Variants in GALNT13 observed in about 807,000 individuals in gnomAD.
GALNT13 encodes the protein UDP-GalNAc:polypeptide N-acetylgalactosaminyltransferase 13.
A neutral mutation model predicts 64.2 loss-of-function variants in GALNT13; 28 were observed. The observed-to-expected ratio is 0.44, with a 90% CI of 0.32 to 0.60. The LOEUF is 0.60. Ranked by LOEUF, GALNT13 falls within the 20% of genes least tolerant of loss-of-function variation. The probability of loss-of-function intolerance (pLI) is 0.05; values close to 1 mark genes in which losing one functional copy is unlikely to be tolerated. For missense variants in GALNT13, 577 were observed against 669.8 expected, an observed-to-expected ratio of 0.86 and a Z score of 1.53; for synonymous variants, 214 against 224.6, an observed-to-expected ratio of 0.95 and a Z score of 0.42.
At chr2:153,533,272 A>G in the GALNT13 span, among the ~76,000 whole-genome samples, 7 of 151,608 alleles carry the variant, frequency 4.6e-5, no homozygotes, top group African/African-American at 1.5e-4. Flanking sequence ...TTCTTTTTCA[A>G]TGGAGTTTTG....
intron 11 of GALNT13, among the ~76,000 whole-genome samples, chr2:154,411,040 C>T (rs16837244): frequency 0.01 from 1,591 of 151,906 alleles, 27 homozygotes; most frequent in African/African-American, 0.036. Flanking sequence ...GAGCACCTAA[C>T]GAATACTAGG....
At chr2:154,225,130 A>AGATAGATAGATAGATAGATAGAT (rs1228401546) in intron 4 of GALNT13, among the ~76,000 whole-genome samples, 3 of 108,000 alleles carry the variant, frequency 2.8e-5, no homozygotes, top group African/African-American at 9.9e-5. Flanking sequence ...ATAGATAGAT[A>AGATAGATAGATAGATAGATAGAT]GATAGATAGA....
In GALNT13 at chr2:153,955,071, A is replaced by G. The variant is rs573322420; in HGVS notation, c.142+10432A>G. 3.3e-5 allele frequency among the ~76,000 whole-genome samples: 5 copies of G among 152,228 alleles called. No homozygotes were observed. The South Asian group carries it at 1.0e-3, about 32-fold the overall frequency. On this transcript the variant is annotated intron_variant, in intron 3 of 12. Coordinates refer to ENST00000392825, the MANE Select transcript of GALNT13 (RefSeq NM_052917.4). ...CACCTAGCCTTATTTTAGACTAGCA[A>G]TTTTGCATTTATTGAGTCTCTAGAG...
At chr2:153,753,924 C>T in the GALNT13 span, among the ~76,000 whole-genome samples, 252 of 152,358 alleles carry the variant, frequency 1.7e-3, no homozygotes, top group African/African-American at 5.8e-3. Flanking sequence ...AGGCAAACTA[C>T]AAGATAGAGC....
intron 4 of GALNT13, among the ~76,000 whole-genome samples, chr2:154,179,824 TAA>T (rs56303526): frequency 0.09 from 11,415 of 126,428 alleles, 471 homozygotes; most frequent in East Asian, 0.16. Flanking sequence ...TCTTCCATGA[TAA>T]AAAAAAAAAA....
the GALNT13 span, among the ~76,000 whole-genome samples, chr2:153,509,450 C>T: frequency 6.6e-5 from 10 of 152,356 alleles, no homozygotes; most frequent in Admixed American, 2.0e-4. Flanking sequence ...ATAGTGATTC[C>T]TTTGCTTATA....
chr2:154,371,845 C>T (rs1697710373), intron 9 of GALNT13, among the ~76,000 whole-genome samples: 1 of 149,758 alleles, frequency 6.7e-6, no homozygotes, highest in Non-Finnish European at 1.5e-5. Context: ...GGTAAGTCAA[C>T]ATACACATAA....
At chr2:153,832,077 A>G in the GALNT13 span, among the ~76,000 whole-genome samples, 2 of 152,162 alleles carry the variant, frequency 1.3e-5, no homozygotes, top group African/African-American at 2.4e-5. Context: ...GTTTCAGAGC[A>G]TAATCACTGG....
intron 9 of GALNT13, among the ~76,000 whole-genome samples, chr2:154,342,039 T>G (rs1695800361): frequency 6.6e-6 from 1 of 151,984 alleles, no homozygotes; most frequent in African/African-American, 2.4e-5. Context: ...GGGAGGAGAC[T>G]GGTTTAGGAA....
the GALNT13 span, among the ~76,000 whole-genome samples, chr2:153,141,914 T>A: frequency 6.6e-6 from 1 of 152,058 alleles, no homozygotes; most frequent in Non-Finnish European, 1.5e-5. Context: ...ACATGCTTAG[T>A]AACATGTCCT....
intron 2 of GALNT13, among the ~76,000 whole-genome samples, chr2:153,909,417 T>C (rs1016494535): frequency 6.6e-5 from 10 of 152,136 alleles, no homozygotes; most frequent in Non-Finnish European, 2.9e-5. Context: ...TCTGTATGTA[T>C]ATGCTTTATT....
the GALNT13 span, among the ~76,000 whole-genome samples, chr2:153,551,009 G>A: frequency 6.6e-5 from 10 of 152,016 alleles, no homozygotes; most frequent in African/African-American, 2.4e-4. Context: ...TCTTGGGTAG[G>A]ATATTACTAT....
chr2:154,006,097 T>A (rs1326297322), intron 3 of GALNT13, among the ~76,000 whole-genome samples: 1 of 152,228 alleles, frequency 6.6e-6, no homozygotes, highest in Admixed American at 6.5e-5. Context: ...GGTGCAAATC[T>A]GGTGGTAACT....
intron 4 of GALNT13, among the ~76,000 whole-genome samples, chr2:154,237,594 T>C (rs1439324786): frequency 1.3e-5 from 2 of 148,864 alleles, no homozygotes; most frequent in East Asian, 1.9e-4. Context: ...TAACATATAG[T>C]ATAAAGGTTT....
At chr2:153,228,041 C>G in the GALNT13 span, among the ~76,000 whole-genome samples, 4 of 152,130 alleles carry the variant, frequency 2.6e-5, no homozygotes, top group African/African-American at 9.7e-5. Context: ...ATAGTACTAA[C>G]AATGCTCTTA....
intron 3 of GALNT13, among the ~76,000 whole-genome samples, chr2:153,959,047 C>T (rs1347921982): frequency 6.6e-6 from 1 of 152,230 alleles, no homozygotes; most frequent in Non-Finnish European, 1.5e-5. Context: ...AAGGGACTTG[C>T]AGCTGGCTGT....
the GALNT13 span, among the ~76,000 whole-genome samples, chr2:153,353,678 A>C: frequency 4.6e-5 from 7 of 152,106 alleles, no homozygotes; most frequent in Non-Finnish European, 7.4e-5. Flanking sequence ...CGTTTTCATC[A>C]AATGTTTTTC....
At chr2:154,365,546 A>G (rs1286602472) in intron 9 of GALNT13, among the ~76,000 whole-genome samples, 2 of 152,224 alleles carry the variant, frequency 1.3e-5, no homozygotes, top group African/African-American at 4.8e-5. Context: ...AGTATTCCCA[A>G]TAAAATTAAG....
At chr2:153,973,077 C>T (rs556641958) in intron 3 of GALNT13, among the ~76,000 whole-genome samples, 1 of 151,972 alleles carries the variant, frequency 6.6e-6, no homozygotes, top group Non-Finnish European at 1.5e-5. Flanking sequence ...ATATTTAATT[C>T]TTCTATGTAA....
Sources: allele counts gnomAD v4.1 joint callset (sites outside exome capture counted in the v4.1 genomes callset), GRCh38; gene constraint gnomAD v4.1.1; transcripts MANE v1.5; gene names NCBI Gene and HGNC (gene_info 2026-07-23, HGNC 2026-07-21).